The following SEBOX variants were observed in gnomAD, a reference collection of about 807,000 sequenced individuals.
SEBOX encodes SEBOX homeobox, also known as homeobox protein SEBOX.
A neutral mutation model predicts 7.8 loss-of-function variants in SEBOX; 10 were observed. The ratio of observed to expected loss-of-function variants is 1.28; its 90% CI spans 0.79 to 2.17. The LOEUF (loss-of-function observed/expected upper bound fraction) is 2.17. Ranked by LOEUF, SEBOX falls within the 30% of genes most tolerant of loss-of-function variation. The pLI, the probability that SEBOX is intolerant of heterozygous loss-of-function variation, is 0.00. For synonymous variants in SEBOX, 98 were observed against 91.5 expected, an observed-to-expected ratio of 1.07 and a Z score of -0.40; for missense variants, 240 against 239.5, an observed-to-expected ratio of 1.00 and a Z score of -0.01.
rs539619952 is a variant in SEBOX at position 28,363,510 on chromosome 17, G to A, written c.*758C>T. ...TGCAGAGCACAACAATCCAGATTAAGGTACAGAGTTTGGGTTTTATTTGGA... is the reference window on the plus strand; with the variant it reads ...TGCAGAGCACAACAATCCAGATTAAAGTACAGAGTTTGGGTTTTATTTGGA... On this transcript the variant is annotated 3_prime_UTR_variant, in exon 3 of 3. Coordinates refer to ENST00000536498, the MANE Select transcript of SEBOX (RefSeq NM_001080837.4). The A allele has an allele frequency of 6.6e-6, 1 of 152,116 alleles. No homozygotes were observed. Among genetic ancestry groups the A allele is most frequent in the African/African-American group, 2.4e-5 (1 of 41,406 alleles). The allele number at this position is 152,116 out of a possible 1,614,324, so 9.4% of individuals were successfully genotyped here.
At position 28,364,638 on chromosome 17, in the gene SEBOX, T is replaced by C; in HGVS notation, c.203A>G (p.Gln68Arg). 1 of 1,546,192 alleles carries C rather than the reference T, an allele frequency of 6.5e-7. No individual in the cohort carries two copies. Among genetic ancestry groups the C allele is most frequent in the Non-Finnish European group, 8.7e-7 (1 of 1,149,458 alleles). ...LPEAKVQVWF[Q>R]KRWAKIIKNR... ...CTTGATTATTTTGGCCCAGCGCTTC[T>C]GGAACCACACCTGCTAGGAAAGAAG... Residue 68 changes from glutamine (Q) to arginine (R), a missense_variant, in exon 3 of 3, where the codon CAG becomes CGG. Coordinates refer to ENST00000536498, the MANE Select transcript of SEBOX (RefSeq NM_001080837.4).
At position 28,364,579 on chromosome 17, in the gene SEBOX, C is replaced by G. The variant is rs965861748; in HGVS notation, c.262G>C (p.Glu88Gln). Residue 88 changes from glutamate (E) to glutamine (Q), a missense_variant, in exon 3 of 3, where the codon GAG (glutamate) becomes CAG (glutamine). Physicochemically the swap from Glu to Gln is conservative, Grantham distance 29. Coordinates refer to ENST00000536498, the MANE Select transcript of SEBOX (RefSeq NM_001080837.4). ...AGAGAACAGGAGCTCTGGGGGCACT[C>G]AGACCCAGGGCTTAGAATTCCTGAC... ...RKSGILSPGS[E>Q]CPQSSCSLPD... 1 of 1,559,350 alleles carries G rather than the reference C, an allele frequency of 6.4e-7. No homozygotes were observed. Among genetic ancestry groups the G allele is most frequent in the East Asian group, 2.3e-5 (1 of 44,380 alleles).
rs557122352 is a variant in SEBOX at position 28,364,945 on chromosome 17, G to A, written c.42C>T (p.Ser14=). 56 of 1,610,506 alleles carry A rather than the reference G, an allele frequency of 3.5e-5. No individual in the cohort carries two copies. The South Asian group carries it at 4.8e-4, about 14-fold the overall frequency. The change falls in exon 2 of 3, where the codon AGC becomes AGT. Residue 14 remains serine, a synonymous_variant. Transcript: ENST00000536498. ...GCTTTCTCCGGTGGGAACCCAACCC[G>A]CTGCCACCGTCTGCAGGCCATGGTG... ...PVDASSADGG[S]GLGSHRRKRT...
rs559556716 is a variant in SEBOX at position 28,364,067 on chromosome 17, C to T, written c.*201G>A. ...GGTGTGGGGTGGCAGGAGCCAGGCCCCAGTCTGCTTAGGACCTGCATCTAG... is the reference window on the plus strand; with the variant it reads ...GGTGTGGGGTGGCAGGAGCCAGGCCTCAGTCTGCTTAGGACCTGCATCTAG... On this transcript the variant is annotated 3_prime_UTR_variant, in exon 3 of 3. Transcript: ENST00000536498. 6.6e-6 allele frequency among the ~76,000 whole-genome samples: 1 copy of T among 152,296 alleles called. No individual in the cohort carries two copies. The highest frequency in any genetic ancestry group is 1.5e-5 in the Non-Finnish European group (1 of 68,012).
At position 28,364,592 on chromosome 17, in the gene SEBOX, T is replaced by C. The variant is rs2067892827; in HGVS notation, c.249A>G (p.Leu83=). The C allele has an allele frequency of 1.3e-6, 2 of 1,548,476 alleles. No homozygotes were observed. The highest frequency in any genetic ancestry group is 8.7e-7 in the Non-Finnish European group (1 of 1,149,992). The change falls in exon 3 of 3, where the codon CTA becomes CTG. Residue 83 remains leucine, a synonymous_variant. Coordinates refer to ENST00000536498, the MANE Select transcript of SEBOX (RefSeq NM_001080837.4). ...KIIKNRKSGI[L]SPGSECPQSS... ...TCTGGGGGCACTCAGACCCAGGGCT[T>C]AGAATTCCTGACTTCCTGTTCTTGA... is the stretch of plus-strand genomic sequence containing the variant.
At position 28,364,387 on chromosome 17, in the gene SEBOX, AT is replaced by A. The variant is rs1555582665; in HGVS notation, c.453del (p.Ser152GlnfsTer11). 1.9e-6 allele frequency: 3 copies of A among 1,592,000 alleles called. No individual in the cohort carries two copies. The South Asian group carries it at 3.4e-5, about 18-fold the overall frequency. ...WEGAKAVAPW[G>X]SAGASEVHPS... is the part of the protein sequence containing the mutation. ...GGGTGGACCTCTGAAGCCCCAGCTG[AT>A]CCCCATGGGGCTACAGCTTTAGCCC... On this transcript the variant is annotated frameshift_variant, in exon 3 of 3. Transcript: ENST00000536498. LOFTEE classifies it high-confidence loss of function.
In SEBOX at chr17:28,363,791, A is replaced by G. The variant is rs1332422329; in HGVS notation, c.*477T>C. On this transcript the variant is annotated 3_prime_UTR_variant, in exon 3 of 3. Transcript: ENST00000536498. Reference sequence around the variant, plus strand: ...GTCAAGAGAGGGGGCCCTGACCCATAAAGAAGTTGGCTCTCCAGCAGTCTA... The same window carrying G: ...GTCAAGAGAGGGGGCCCTGACCCATGAAGAAGTTGGCTCTCCAGCAGTCTA... 1 of 153,210 alleles carries G rather than the reference A, an allele frequency of 6.5e-6. No homozygotes were observed. Among genetic ancestry groups the G allele is most frequent in the Non-Finnish European group, 1.5e-5 (1 of 68,790 alleles). 9.5% of individuals were successfully genotyped at this position (153,210 alleles called of 1,614,324 possible).
At position 28,364,028 on chromosome 17, in the gene SEBOX, C is replaced by T. The variant is rs547793624; in HGVS notation, c.*240G>A. 1.7e-3 allele frequency among the ~76,000 whole-genome samples: 256 copies of T among 152,294 alleles called. 1 individual carries two copies. Among genetic ancestry groups the T allele is most frequent in the African/African-American group, 5.9e-3 (244 of 41,576 alleles). On this transcript the variant is annotated 3_prime_UTR_variant, in exon 3 of 3. Transcript: ENST00000536498. The stretch of plus-strand genomic sequence containing the variant: ...ACCTGCCACAACAATGAGCATATGC[C>T]CCAAAGGGGTCAGGGTGTGGGGTGG...
Position 28,364,548 on chromosome 17 carries a change from T to C in SEBOX, c.293A>G (p.Asp98Gly). ...GGGATCCCAGGGCTGCTGGAGGGTG[T>C]CTGGAAGAGAACAGGAGCTCTGGGG... Reference protein sequence around the residue: ...ECPQSSCSLPDTLQQPWDPQM... With the variant: ...ECPQSSCSLPGTLQQPWDPQM... Residue 98 changes from aspartate to glycine, a missense_variant, in exon 3 of 3, where the codon GAC becomes GGC. Coordinates refer to ENST00000536498, the MANE Select transcript of SEBOX (RefSeq NM_001080837.4). 1.3e-6 allele frequency: 2 copies of C among 1,592,630 alleles called. No homozygotes were observed. The highest frequency in any genetic ancestry group is 2.2e-5 in the East Asian group (1 of 44,574).
Position 28,364,962 on chromosome 17 carries a change from G to A in SEBOX, c.32-7C>T. ...CCCAACCCGCTGCCACCGTCTGCAG[G>A]CCATGGTGGGGGTCAAGCTGGGACT... On this transcript the variant is annotated splice_region_variant and splice_polypyrimidine_tract_variant and intron_variant, in intron 1 of 2. Transcript: ENST00000536498. The A allele has an allele frequency of 6.2e-7, 1 of 1,607,168 alleles. No individual in the cohort carries two copies. Among genetic ancestry groups the A allele is most frequent in the Non-Finnish European group, 8.5e-7 (1 of 1,177,210 alleles).
chr17:28,364,696 A>C, intron 2 of SEBOX, 48 bp from the exon 3 acceptor site: 1 of 1,574,228 alleles, frequency 6.4e-7, no homozygotes. Flanking sequence ...CATCCCCTCC[A>C]CCCAGGGACA....
chr17:28,363,790 T>G lies in SEBOX; in HGVS notation c.*478A>C. 6.5e-6 allele frequency: 1 copy of G among 153,356 alleles called. No homozygotes were observed. The highest frequency in any genetic ancestry group is 1.5e-5 in the Non-Finnish European group (1 of 68,838). The allele number at this position is 153,356 out of a possible 1,614,324, so 9.5% of individuals were successfully genotyped here. On this transcript the variant is annotated 3_prime_UTR_variant, in exon 3 of 3. Coordinates refer to ENST00000536498, the MANE Select transcript of SEBOX (RefSeq NM_001080837.4). ...GGTCAAGAGAGGGGGCCCTGACCCA[T>G]AAAGAAGTTGGCTCTCCAGCAGTCT...
rs1178091949 is a variant in SEBOX, at chr17:28,364,094, C to G, written c.*174G>C. Among the ~76,000 whole-genome samples the G allele has an allele frequency of 6.6e-6, 1 of 152,220 alleles. No individual in the cohort carries two copies. Among genetic ancestry groups the G allele is most frequent in the African/African-American group, 2.4e-5 (1 of 41,460 alleles). ...AGTCTGCTTAGGACCTGCATCTAGG[C>G]TGGCCTGGAGGCCAGTGGAAGGGAG... On this transcript the variant is annotated 3_prime_UTR_variant, in exon 3 of 3. Transcript: ENST00000536498.
chr17:28,364,354 C>G lies in SEBOX; in HGVS notation c.487G>C (p.Glu163Gln). 6.3e-7 allele frequency: 1 copy of G among 1,597,922 alleles called. No individual in the cohort carries two copies. Among genetic ancestry groups the G allele is most frequent in the East Asian group, 2.3e-5 (1 of 44,146 alleles). The change falls in exon 3 of 3, where the codon GAG becomes CAG. Residue 163 changes from glutamate to glutamine, a missense_variant. Transcript: ENST00000536498. ...AGASEVHPSL[E>Q]RATPQTSLGS... ...AGTGAAGTCTGGGGAGTAGCTCGCT[C>G]TAAAGAAGGGTGGACCTCTGAAGCC... is the stretch of plus-strand genomic sequence containing the variant.
At position 28,364,400 on chromosome 17, in the gene SEBOX, T is replaced by C; in HGVS notation, c.441A>G (p.Val147=). The C allele has an allele frequency of 6.3e-7, 1 of 1,590,746 alleles. No homozygotes were observed. The highest frequency in any genetic ancestry group is 1.1e-5 in the South Asian group (1 of 88,634). The change falls in exon 3 of 3, where the codon GTA becomes GTG. Residue 147 remains valine (V), a synonymous_variant. Coordinates refer to ENST00000536498, the MANE Select transcript of SEBOX (RefSeq NM_001080837.4). ...AAGCCCCAGCTGATCCCCATGGGGC[T>C]ACAGCTTTAGCCCCTTCCCAGCCCT... ...PRQGWEGAKA[V]APWGSAGASE... is the part of the protein sequence containing the mutation.
intron 1 of SEBOX, 52 bp downstream of exon 1, chr17:28,365,068 AT>A: frequency 6.3e-7 from 1 of 1,586,206 alleles, no homozygotes; most frequent in Non-Finnish European, 8.6e-7. Flanking sequence ...AACCGTCCTC[AT>A]CCTACCATGG....
chr17:28,364,418 C>G lies in SEBOX; in HGVS notation c.423G>C (p.Trp141Cys). 1 of 1,591,078 alleles carries G rather than the reference C, an allele frequency of 6.3e-7. No homozygotes were observed. Among genetic ancestry groups the G allele is most frequent in the African/African-American group, 1.3e-5 (1 of 74,536 alleles). Residue 141 changes from tryptophan (W) to cysteine (C), a missense_variant, in exon 3 of 3, where the codon TGG becomes TGC. Trp to Cys is a radical substitution (Grantham distance 215). Transcript: ENST00000536498. Reference sequence around the variant, plus strand: ...ATGGGGCTACAGCTTTAGCCCCTTCCCAGCCCTGCCGTGGACTCAAGCCAG... The same window carrying G: ...ATGGGGCTACAGCTTTAGCCCCTTCGCAGCCCTGCCGTGGACTCAAGCCAG... ...PAPGLSPRQGWEGAKAVAPWG... is the reference protein window; with the variant it reads ...PAPGLSPRQGCEGAKAVAPWG...
rs2142411045 is a variant in SEBOX, at chr17:28,364,591, T to G, written c.250A>C (p.Ser84Arg). The G allele has an allele frequency of 6.5e-7, 1 of 1,548,544 alleles. No homozygotes were observed. Among genetic ancestry groups the G allele is most frequent in the East Asian group, 2.3e-5 (1 of 44,338 alleles). ...CTCTGGGGGCACTCAGACCCAGGGC[T>G]TAGAATTCCTGACTTCCTGTTCTTG... ...IIKNRKSGIL[S>R]PGSECPQSSC... Residue 84 changes from serine (S) to arginine (R), a missense_variant, in exon 3 of 3, where the codon AGC becomes CGC. Ser to Arg is a moderately radical substitution (Grantham distance 110). Transcript: ENST00000536498.
Position 28,364,921 on chromosome 17 carries a change from C to T in SEBOX, c.66G>A (p.Lys22=). The change falls in exon 2 of 3, where the codon AAG becomes AAA. Residue 22 remains lysine (K), a synonymous_variant. Coordinates refer to ENST00000536498, the MANE Select transcript of SEBOX (RefSeq NM_001080837.4). ...GCTGCCCTTTGCTGAAGGTGGTCCG[C>T]TTTCTCCGGTGGGAACCCAACCCGC... ...GGSGLGSHRR[K]RTTFSKGQLL... The T allele has an allele frequency of 6.2e-7, 1 of 1,613,276 alleles. No individual in the cohort carries two copies. The highest frequency in any genetic ancestry group is 2.2e-5 in the East Asian group (1 of 44,854).
Sources: gnomAD v4.1 joint callset for allele counts (sites outside exome capture counted in the v4.1 genomes callset) on GRCh38, gnomAD v4.1.1 for gene constraint, MANE v1.5 for transcripts, NCBI Gene and HGNC (gene_info 2026-07-23, HGNC 2026-07-21) for gene names.